Variants in FSBP observed in about 807,000 individuals in gnomAD.
The protein encoded by FSBP is fibrinogen silencer-binding protein.
In FSBP, 18 loss-of-function variants were observed where a neutral mutation model predicts 24.6. That is an observed-to-expected ratio of 0.73 (90% CI 0.51 to 1.08). The LOEUF (loss-of-function observed/expected upper bound fraction) is 1.08, where lower values mean the gene tolerates loss of function less well. FSBP is among the 50% of genes least tolerant of loss of function. The pLI, the probability that FSBP is intolerant of heterozygous loss-of-function variation, is 0.00. For missense variants in FSBP, 305 were observed against 347.6 expected, an observed-to-expected ratio of 0.88 and a Z score of 0.98; for synonymous variants, 110 against 125.8, an observed-to-expected ratio of 0.87 and a Z score of 0.84.
At position 94,431,516 on chromosome 8, in the gene FSBP, A is replaced by G; in HGVS notation, c.*615T>C. The G allele has an allele frequency of 8.2e-6, 8 of 979,656 alleles. No homozygotes were observed. The highest frequency in any genetic ancestry group is 9.7e-6 in the Non-Finnish European group (8 of 824,702). The allele number at this position is 979,656 out of a possible 1,614,324, so 60.7% of individuals were successfully genotyped here. On this transcript the variant is annotated 3_prime_UTR_variant, in exon 2 of 2. Coordinates refer to ENST00000481490, the MANE Select transcript of FSBP (RefSeq NM_001256141.2). ...CGAATAGCGGGATGGAAATTACACA[A>G]AGAAAAACTAAGTGCTGGTCTCTGC...
At chr8:94,434,349 GA>G (rs745455323) in intron 1 of FSBP, among the ~76,000 whole-genome samples, 1 of 151,396 alleles carries the variant, frequency 6.6e-6, no homozygotes, top group East Asian at 1.9e-4. Context: ...TAAAAAGGGA[GA>G]AAAAAAGCTT....
rs1409371345 is a variant in FSBP, at chr8:94,432,377, C to G, written c.654G>C (p.Arg218=). The stretch of plus-strand genomic sequence containing the variant: ...ACCTAAAGTGTTCACCACTCTCATG[C>G]CGAAAAAAATCATCTCTCCTTGGAA... ...SSIPRRDDFF[R]HESGEHFRSL... Residue 218 remains arginine (R), a synonymous_variant, in exon 2 of 2, where the codon CGG becomes CGC. Transcript: ENST00000481490. 1.9e-6 allele frequency: 3 copies of G among 1,550,194 alleles called. No individual in the cohort carries two copies. The highest frequency in any genetic ancestry group is 2.6e-6 in the Non-Finnish European group (3 of 1,146,872).
Position 94,430,823 on chromosome 8 carries a change from C to CGGG in FSBP, c.*1307_*1308insCCC. ...AAATTCTGCTGGAGCTAAACAGCAG[C>CGGG]TACCCTACCTAGTCCAGGGAGATGT... On this transcript the variant is annotated 3_prime_UTR_variant, in exon 2 of 2. Coordinates refer to ENST00000481490, the MANE Select transcript of FSBP (RefSeq NM_001256141.2). 1.0e-6 allele frequency: 1 copy of CGGG among 985,478 alleles called. No individual in the cohort carries two copies. Among genetic ancestry groups the CGGG allele is most frequent in the African/African-American group, 1.7e-5 (1 of 57,380 alleles). 61.0% of individuals were successfully genotyped at this position (985,478 alleles called of 1,614,324 possible). A position where few individuals can be genotyped will look rare whatever the true frequency, so the allele number is the denominator to read the frequency against.
At chr8:94,435,906 C>T (rs2930964) in intron 1 of FSBP, among the ~76,000 whole-genome samples, 37,969 of 151,886 alleles carry the variant, frequency 0.25, 5,665 homozygotes, top group East Asian at 0.43. Context: ...CATTAACTCC[C>T]TTTAGTTGTG....
intron 1 of FSBP, 134 bp from the exon 2 acceptor site, chr8:94,432,790 C>T (rs1296870442): frequency 1.7e-6 from 2 of 1,169,014 alleles, no homozygotes; most frequent in East Asian, 2.8e-5. Flanking sequence ...AAAAAAAAAT[C>T]TTAAACACTT....
At position 94,430,523 on chromosome 8, in the gene FSBP, T is replaced by C. The variant is rs947191676; in HGVS notation, c.*1608A>G. On this transcript the variant is annotated 3_prime_UTR_variant, in exon 2 of 2. Transcript: ENST00000481490. Reference sequence around the variant, plus strand: ...TCGCTAAAGGGTTTATTAAAAGAGATTGCTGACACCCCCAGGGTTTCTAAT... The same window carrying C: ...TCGCTAAAGGGTTTATTAAAAGAGACTGCTGACACCCCCAGGGTTTCTAAT... 25 of 859,112 alleles carry C rather than the reference T, an allele frequency of 2.9e-5. 1 individual carries two copies. In the Middle Eastern group the frequency reaches 1.8e-3, roughly 61 times the overall value. 53.2% of individuals were successfully genotyped at this position (859,112 alleles called of 1,614,324 possible).
At chr8:94,434,138 C>CT (rs1440208491) in intron 1 of FSBP, among the ~76,000 whole-genome samples, 1 of 151,740 alleles carries the variant, frequency 6.6e-6, no homozygotes, top group Non-Finnish European at 1.5e-5. Context: ...AATAGCTCTG[C>CT]TAAAACCTGG....
chr8:94,428,720 A>G lies in FSBP; in HGVS notation c.*3411T>C. The G allele has an allele frequency of 1.0e-6, 1 of 974,820 alleles. No individual in the cohort carries two copies. Among genetic ancestry groups the G allele is most frequent in the South Asian group, 4.8e-5 (1 of 21,026 alleles). 60.4% of individuals were successfully genotyped at this position (974,820 alleles called of 1,614,324 possible). On this transcript the variant is annotated 3_prime_UTR_variant, in exon 2 of 2. Coordinates refer to ENST00000481490, the MANE Select transcript of FSBP (RefSeq NM_001256141.2). ...ATCTGCAGATGTGAAACCTGCAGAT[A>G]GAAAGCCAAGTGTACATTCCATTGT... is the stretch of plus-strand genomic sequence containing the variant.
intron 1 of FSBP, among the ~76,000 whole-genome samples, chr8:94,434,501 T>C (rs1812203996): frequency 6.6e-6 from 1 of 151,796 alleles, no homozygotes; most frequent in Admixed American, 6.6e-5. Context: ...AGAAAATAAA[T>C]AGCCTTACAA....
chr8:94,429,507 A>G lies in FSBP; in HGVS notation c.*2624T>C, dbSNP rs1812031738. On this transcript the variant is annotated 3_prime_UTR_variant, in exon 2 of 2. Transcript: ENST00000481490. Reference sequence around the variant, plus strand: ...AAGCCAACATTTAAATTGAACATTCATTATCAATTCTTAGTAGCATGCTGA... The same window carrying G: ...AAGCCAACATTTAAATTGAACATTCGTTATCAATTCTTAGTAGCATGCTGA... 2.0e-6 allele frequency: 2 copies of G among 984,566 alleles called. No homozygotes were observed. The highest frequency in any genetic ancestry group is 1.0e-3 in the Middle Eastern group (2 of 1,914). 61.0% of individuals were successfully genotyped at this position (984,566 alleles called of 1,614,324 possible). A position where few individuals can be genotyped will look rare whatever the true frequency, so the allele number is the denominator to read the frequency against.
rs747338141 is a variant in FSBP, at chr8:94,431,127, T to C, written c.*1004A>G. On this transcript the variant is annotated 3_prime_UTR_variant, in exon 2 of 2. Transcript: ENST00000481490. Reference sequence around the variant, plus strand: ...TAACATACATATTAGAGATTTAATATAAATTTAATATGTATGCTTTAAGAA... The same window carrying C: ...TAACATACATATTAGAGATTTAATACAAATTTAATATGTATGCTTTAAGAA... 1.3e-5 allele frequency: 12 copies of C among 943,328 alleles called. No individual in the cohort carries two copies. The highest frequency in any genetic ancestry group is 1.8e-5 in the African/African-American group (1 of 56,262). 58.4% of individuals were successfully genotyped at this position (943,328 alleles called of 1,614,324 possible). A position where few individuals can be genotyped will look rare whatever the true frequency, so the allele number is the denominator to read the frequency against.
chr8:94,432,932 T>C (rs1472155079), intron 1 of FSBP, among the ~76,000 whole-genome samples: 1 of 151,868 alleles, frequency 6.6e-6, no homozygotes, highest in African/African-American at 2.4e-5. Context: ...ATGAAGAAAA[T>C]AAAAAGAAAA....
Position 94,436,707 on chromosome 8 carries a change from A to G in FSBP, c.162T>C (p.Asn54=). The change falls in exon 1 of 2, where the codon AAT becomes AAC. Residue 54 remains asparagine (N), a synonymous_variant. Coordinates refer to ENST00000481490, the MANE Select transcript of FSBP (RefSeq NM_001256141.2). ...RCWDIIAVNY[N]AIGVDRPPRT... The stretch of plus-strand genomic sequence containing the variant: ...GAGGAGGGCGGTCTACTCCAATTGC[A>G]TTATAGTTAACTGCTATGATATCCC... 1.3e-6 allele frequency: 2 copies of G among 1,550,724 alleles called. No homozygotes were observed. The highest frequency in any genetic ancestry group is 1.7e-4 in the Middle Eastern group (1 of 5,994).
Position 94,432,339 on chromosome 8 carries a change from T to C in FSBP, c.692A>G (p.Tyr231Cys), listed in dbSNP as rs755884521. 2.1e-5 allele frequency: 33 copies of C among 1,550,388 alleles called. No homozygotes were observed. The highest frequency in any genetic ancestry group is 2.9e-5 in the Non-Finnish European group (33 of 1,146,868). Residue 231 changes from tyrosine to cysteine, a missense_variant, in exon 2 of 2, where the codon TAT (tyrosine) becomes TGT (cysteine). Tyr to Cys is a radical substitution (Grantham distance 194). Coordinates refer to ENST00000481490, the MANE Select transcript of FSBP (RefSeq NM_001256141.2). ...SGEHFRSLLGYDPQILQMLKE... is the reference protein window; with the variant it reads ...SGEHFRSLLGCDPQILQMLKE... ...CAACATTTGCAGGATCTGAGGATCA[T>C]ACCCTAATAGTGACCTAAAGTGTTC...
Position 94,436,754 on chromosome 8 carries a change from T to G in FSBP, c.115A>C (p.Ile39Leu). 6.4e-7 allele frequency: 1 copy of G among 1,550,656 alleles called. No homozygotes were observed. Among genetic ancestry groups the G allele is most frequent in the Non-Finnish European group, 8.7e-7 (1 of 1,146,972 alleles). Residue 39 changes from isoleucine to leucine, a missense_variant, in exon 1 of 2, where the codon ATA (isoleucine) becomes CTA (leucine). Coordinates refer to ENST00000481490, the MANE Select transcript of FSBP (RefSeq NM_001256141.2). ...LEEHTNKHSV[I>L]VEKNRCWDII... ...TCCCAACATCTATTCTTTTCTACTA[T>G]TACTGAATGTTTATTAGTGTGTTCT...
At position 94,430,448 on chromosome 8, in the gene FSBP, T is replaced by C; in HGVS notation, c.*1683A>G. The C allele has an allele frequency of 1.0e-6, 1 of 985,016 alleles. No individual in the cohort carries two copies. Among genetic ancestry groups the C allele is most frequent in the Non-Finnish European group, 1.2e-6 (1 of 829,646 alleles). 61.0% of individuals were successfully genotyped at this position (985,016 alleles called of 1,614,324 possible). ...AGTATGATTTAGGCACCAAGCGAGG[T>C]TCCAAAATACTCTGTTTCACTGGTT... On this transcript the variant is annotated 3_prime_UTR_variant, in exon 2 of 2. Coordinates refer to ENST00000481490, the MANE Select transcript of FSBP (RefSeq NM_001256141.2).
At position 94,431,795 on chromosome 8, in the gene FSBP, T is replaced by A. The variant is rs550612098; in HGVS notation, c.*336A>T. The A allele has an allele frequency of 9.9e-7, 1 of 1,006,220 alleles. No homozygotes were observed. The highest frequency in any genetic ancestry group is 4.4e-5 in the South Asian group (1 of 22,900). The allele number at this position is 1,006,220 out of a possible 1,614,324, so 62.3% of individuals were successfully genotyped here. ...TCTCTAATTATAGCTTTCAAAGTTC[T>A]AACTAAAAATGTTGAAGACTCAGAA... On this transcript the variant is annotated 3_prime_UTR_variant, in exon 2 of 2. Coordinates refer to ENST00000481490, the MANE Select transcript of FSBP (RefSeq NM_001256141.2).
At position 94,430,914 on chromosome 8, in the gene FSBP, T is replaced by A; in HGVS notation, c.*1217A>T. On this transcript the variant is annotated 3_prime_UTR_variant, in exon 2 of 2. Transcript: ENST00000481490. ...CTACATTCACTTAAAATCAATGGCT[T>A]AGCACTGCATTTGTGCTTATATACT... is the stretch of plus-strand genomic sequence containing the variant. 1.0e-6 allele frequency: 1 copy of A among 985,398 alleles called. No homozygotes were observed. Among genetic ancestry groups the A allele is most frequent in the Non-Finnish European group, 1.2e-6 (1 of 829,916 alleles). The allele number at this position is 985,398 out of a possible 1,614,324, so 61.0% of individuals were successfully genotyped here.
Position 94,436,743 on chromosome 8 carries a change from C to A in FSBP, c.126G>T (p.Lys42Asn). Residue 42 changes from lysine to asparagine, a missense_variant, in exon 1 of 2, where the codon AAG (lysine) becomes AAT (asparagine). Physicochemically the swap from Lys to Asn is moderately conservative, Grantham distance 94 (BLOSUM62 0). Coordinates refer to ENST00000481490, the MANE Select transcript of FSBP (RefSeq NM_001256141.2). ...CTGCTATGATATCCCAACATCTATT[C>A]TTTTCTACTATTACTGAATGTTTAT... Reference protein sequence around the residue: ...HTNKHSVIVEKNRCWDIIAVN... With the variant: ...HTNKHSVIVENNRCWDIIAVN... 6.4e-7 allele frequency: 1 copy of A among 1,550,690 alleles called. No individual in the cohort carries two copies. Among genetic ancestry groups the A allele is most frequent in the Non-Finnish European group, 8.7e-7 (1 of 1,146,972 alleles).
Sources: gnomAD v4.1 joint callset for allele counts (sites outside exome capture counted in the v4.1 genomes callset) on GRCh38, gnomAD v4.1.1 for gene constraint, MANE v1.5 for transcripts, NCBI Gene and HGNC (gene_info 2026-07-23, HGNC 2026-07-21) for gene names.